The following HENMT1 variants were observed in gnomAD, a reference collection of about 807,000 sequenced individuals.
The protein encoded by HENMT1 is small RNA 2'-O-methyltransferase.
Under a neutral mutation model 31.1 loss-of-function variants are expected in HENMT1, and 27 were observed. That is an observed-to-expected ratio of 0.87 (90% CI 0.64 to 1.20). The LOEUF (loss-of-function observed/expected upper bound fraction) is 1.20. Ranked by LOEUF, HENMT1 falls within the 50% of genes most tolerant of loss-of-function variation. HENMT1 has a pLI of 0.00. For missense variants in HENMT1, 438 were observed against 469.6 expected (o/e 0.93, Z 0.62); for synonymous variants, 167 against 172.2 (o/e 0.97, Z 0.24).
At chr1:108,660,932 A>T in intron 1 of HENMT1, 31 bp downstream of exon 1, 1 of 970,482 alleles carries the variant, frequency 1.0e-6, no homozygotes, top group Non-Finnish European at 1.2e-6. Flanking sequence ...TCAAAAAAAA[A>T]AAAAGAAAAA....
Position 108,655,611 on chromosome 1 carries a change from T to A in HENMT1, c.238A>T (p.Asn80Tyr), listed in dbSNP as rs1658207872. ...CIELLVGVDI[N>Y]EDKLRWRGDS... ...CCTCTCCATCGTAATTTATCCTCAT[T>A]AATATCTACTCCAACAAGCAATTCA... The change falls in exon 4 of 8, where the codon AAT becomes TAT. Residue 80 changes from asparagine to tyrosine, a missense_variant. Coordinates refer to ENST00000651461, the MANE Select transcript of HENMT1 (RefSeq NM_001102592.2). The A allele has an allele frequency of 6.2e-7, 1 of 1,607,922 alleles. No homozygotes were observed. The highest frequency in any genetic ancestry group is 2.2e-5 in the East Asian group (1 of 44,706).
intron 5 of HENMT1, among the ~76,000 whole-genome samples, chr1:108,651,960 T>C (rs1336372791): frequency 1.3e-5 from 2 of 152,166 alleles, no homozygotes; most frequent in African/African-American, 2.4e-5. Context: ...TTCTATGATA[T>C]TCTTGTCAAA....
At chr1:108,655,204 T>C (rs1001186517) in intron 4 of HENMT1, among the ~76,000 whole-genome samples, 10 of 152,216 alleles carry the variant, frequency 6.6e-5, no homozygotes, top group African/African-American at 2.4e-4. Context: ...ATATATACTA[T>C]ATATACAAGA....
chr1:108,649,467 A>G (rs1391543146), intron 7 of HENMT1: 1 of 440,992 alleles, frequency 2.3e-6, no homozygotes. Flanking sequence ...AAAACAAAAA[A>G]AAGCTGAGCA....
chr1:108,658,722 G>A (rs1481332438), intron 2 of HENMT1, among the ~76,000 whole-genome samples: 1 of 152,100 alleles, frequency 6.6e-6, no homozygotes, highest in African/African-American at 2.4e-5. Context: ...TTCTACCCCT[G>A]ATATCTGATC....
chr1:108,650,168 A>G, intron 7 of HENMT1, 43 bp downstream of exon 7: 4 of 1,579,522 alleles, frequency 2.5e-6, no homozygotes, highest in Non-Finnish European at 3.5e-6. Flanking sequence ...CACCATCCTA[A>G]TGTATCTCTA....
chr1:108,650,147 C>T, intron 7 of HENMT1, 64 bp downstream of exon 7: 1 of 1,462,390 alleles, frequency 6.8e-7, no homozygotes. Flanking sequence ...TTCTTACTCC[C>T]CAAAAAAGTT....
chr1:108,648,538 C>A lies in HENMT1; in HGVS notation c.*28G>T. ...TAAGTGAGCACAACTATCGCTGAGACCCTGAAATTTCAGGAAATAAACATG... is the reference window on the plus strand; with the variant it reads ...TAAGTGAGCACAACTATCGCTGAGAACCTGAAATTTCAGGAAATAAACATG... On this transcript the variant is annotated 3_prime_UTR_variant, in exon 8 of 8. Coordinates refer to ENST00000651461, the MANE Select transcript of HENMT1 (RefSeq NM_001102592.2). The A allele has an allele frequency of 6.3e-7, 1 of 1,587,866 alleles. No individual in the cohort carries two copies. The highest frequency in any genetic ancestry group is 8.6e-7 in the Non-Finnish European group (1 of 1,160,026).
intron 2 of HENMT1, 57 bp from the exon 3 acceptor site, chr1:108,657,636 A>G: frequency 6.5e-7 from 1 of 1,547,540 alleles, no homozygotes; most frequent in Non-Finnish European, 8.7e-7. Flanking sequence ...TTCAGAAATT[A>G]AATAAGGGGC....
chr1:108,655,818 A>G, intron 3 of HENMT1, 120 bp from the exon 4 acceptor site: 1 of 505,620 alleles, frequency 2.0e-6, no homozygotes, highest in East Asian at 3.6e-5. Flanking sequence ...TGAAAGTATT[A>G]TATGGAAGGA....
chr1:108,656,663 G>C (rs1197574353), intron 3 of HENMT1, among the ~76,000 whole-genome samples: 1 of 152,020 alleles, frequency 6.6e-6, no homozygotes, highest in South Asian at 2.1e-4. Flanking sequence ...ATTTTTTGTA[G>C]ACACAGGGTC....
At chr1:108,660,879 C>G (rs1658441532) in intron 1 of HENMT1, 84 bp downstream of exon 1, 7 of 597,094 alleles carry the variant, frequency 1.2e-5, no homozygotes, top group Non-Finnish European at 1.5e-5. Flanking sequence ...AGCCGAGATC[C>G]CGCCACTGCA....
chr1:108,655,835 T>TG lies in HENMT1; in HGVS notation c.151-138dup, dbSNP rs1658219634. On this transcript the variant is annotated intron_variant, in intron 3 of 7. Transcript: ENST00000651461. ...AAAGTATTATATGGAAGGATCTTTT[T>TG]GGCAGAAGATGCTACACACACACAC... 4 of 480,008 alleles carry TG rather than the reference T, an allele frequency of 8.3e-6. No individual in the cohort carries two copies. In the South Asian group the frequency reaches 1.0e-4, roughly 12 times the overall value. The allele number at this position is 480,008 out of a possible 1,614,324, so 29.7% of individuals were successfully genotyped here.
chr1:108,649,901 A>G, intron 7 of HENMT1: 1 of 417,950 alleles, frequency 2.4e-6, no homozygotes, highest in Non-Finnish European at 4.5e-6. Context: ...CAATCTTTCT[A>G]CCTTGGCCTC....
At chr1:108,650,747 T>C (rs1302552470) in intron 6 of HENMT1, among the ~76,000 whole-genome samples, 1 of 152,130 alleles carries the variant, frequency 6.6e-6, no homozygotes, top group African/African-American at 2.4e-5. Flanking sequence ...ATGAGGCTCA[T>C]TCTCACTGTC....
chr1:108,657,807 C>G (rs1658294442), intron 2 of HENMT1, among the ~76,000 whole-genome samples: 1 of 151,998 alleles, frequency 6.6e-6, no homozygotes, highest in Non-Finnish European at 1.5e-5. Flanking sequence ...TGTATGCTCC[C>G]TATAGCTTAG....
intron 2 of HENMT1, among the ~76,000 whole-genome samples, 177 bp from the exon 3 acceptor site, chr1:108,657,756 G>GT (rs1000233564): frequency 6.6e-6 from 1 of 151,978 alleles, no homozygotes; most frequent in African/African-American, 2.4e-5. Flanking sequence ...CACAGTTCAT[G>GT]TAAGCATCCT....
At chr1:108,661,426 G>C (rs1187062737), upstream of HENMT1, 1 of 152,306 alleles carries the variant, frequency 6.6e-6, no homozygotes. Context: ...TGTTGGCGAA[G>C]GCCCCCAACT....
At chr1:108,653,638 A>G (rs1262392338) in intron 5 of HENMT1, among the ~76,000 whole-genome samples, 2 of 152,180 alleles carry the variant, frequency 1.3e-5, no homozygotes, top group Non-Finnish European at 2.9e-5. Flanking sequence ...ATGGGGTGAG[A>G]TATCTCACTG....
Sources: allele counts gnomAD v4.1 joint callset (sites outside exome capture counted in the v4.1 genomes callset), GRCh38; gene constraint gnomAD v4.1.1; transcripts MANE v1.5; gene names NCBI Gene and HGNC (gene_info 2026-07-23, HGNC 2026-07-21).